RSAD2: variants seen among roughly 807,000 people sequenced by gnomAD.
RSAD2 encodes the protein radical S-adenosyl methionine domain containing 2.
RSAD2 carries 38 observed loss-of-function variants against 37.7 expected under a neutral mutation model. That is an observed-to-expected ratio of 1.01 (90% CI 0.78 to 1.32). The LOEUF is 1.32. Among genes scored for constraint, RSAD2 ranks in the 40% most tolerant of loss-of-function variants. The pLI, the probability that RSAD2 is intolerant of heterozygous loss-of-function variation, is 0.00. For missense variants in RSAD2, 428 were observed against 437.5 expected (o/e 0.98, Z 0.19); for synonymous variants, 163 against 157.4 (o/e 1.04, Z -0.27).
rs2103243414 is a variant in RSAD2, at chr2:6,883,542, A to G, written c.508+10A>G. 1 of 1,613,650 alleles carries G rather than the reference A, an allele frequency of 6.2e-7. No individual in the cohort carries two copies. The highest frequency in any genetic ancestry group is 8.5e-7 in the Non-Finnish European group (1 of 1,179,658). On this transcript the variant is annotated intron_variant, in intron 2 of 5. Transcript: ENST00000382040. ...TGGTTCCAGAATTATGGTGTGCTCC[A>G]TGGGATGGCATTCTTCTTATTGCTA...
chr2:6,880,443 G>A (rs1232808080), intron 1 of RSAD2, among the ~76,000 whole-genome samples: 1 of 152,236 alleles, frequency 6.6e-6, no homozygotes, highest in East Asian at 1.9e-4. Flanking sequence ...GTCTGTTCCC[G>A]TACATCTTCC....
intron 1 of RSAD2, among the ~76,000 whole-genome samples, chr2:6,878,474 G>A (rs576410258): frequency 2.1e-4 from 32 of 152,302 alleles, no homozygotes; most frequent in Non-Finnish European, 3.8e-4. Flanking sequence ...GGCGGTTTGG[G>A]AAGTTTGTAC....
At chr2:6,888,419 A>C (rs1663565293) in intron 3 of RSAD2, among the ~76,000 whole-genome samples, 1 of 152,184 alleles carries the variant, frequency 6.6e-6, no homozygotes, top group African/African-American at 2.4e-5. Context: ...TAGGAAAAAC[A>C]GGGACATGAT....
intron 4 of RSAD2, among the ~76,000 whole-genome samples, chr2:6,892,735 G>T (rs1445911515): frequency 6.6e-6 from 1 of 151,726 alleles, no homozygotes; most frequent in Non-Finnish European, 1.5e-5. Context: ...CTAGTTCCCA[G>T]ATGATGCTGA....
At chr2:6,893,054 G>A (rs1353470425) in intron 4 of RSAD2, among the ~76,000 whole-genome samples, 1 of 152,190 alleles carries the variant, frequency 6.6e-6, no homozygotes, top group Non-Finnish European at 1.5e-5. Context: ...GACAGACTGT[G>A]TGGCCTGCTA....
rs139718880 is a variant in RSAD2 at position 6,896,264 on chromosome 2, C to G, written c.*322C>G. 6.7e-5 allele frequency: 14 copies of G among 210,258 alleles called. No homozygotes were observed. Among genetic ancestry groups the G allele is most frequent in the African/African-American group, 3.0e-4 (13 of 43,972 alleles). The allele number at this position is 210,258 out of a possible 1,614,324, so 13.0% of individuals were successfully genotyped here. On this transcript the variant is annotated 3_prime_UTR_variant, in exon 6 of 6. Coordinates refer to ENST00000382040, the MANE Select transcript of RSAD2 (RefSeq NM_080657.5). Reference sequence around the variant, plus strand: ...GACCCCAAAAATGCTTAGATAAGGCCCCTATACACAGGACCTGACATTTAG... The same window carrying G: ...GACCCCAAAAATGCTTAGATAAGGCGCCTATACACAGGACCTGACATTTAG...
chr2:6,882,778 G>A (rs1346344439), intron 1 of RSAD2, among the ~76,000 whole-genome samples: 1 of 152,188 alleles, frequency 6.6e-6, no homozygotes, highest in African/African-American at 2.4e-5. Context: ...GTACAAACGA[G>A]GGTGTTATCA....
intron 2 of RSAD2, among the ~76,000 whole-genome samples, chr2:6,885,385 C>T (rs945404519): frequency 1.1e-4 from 16 of 152,182 alleles, no homozygotes; most frequent in African/African-American, 3.1e-4. Flanking sequence ...ACCCCAACAA[C>T]GCAACCAAGG....
At chr2:6,881,836 A>G (rs1002933380) in intron 1 of RSAD2, among the ~76,000 whole-genome samples, 4 of 151,960 alleles carry the variant, frequency 2.6e-5, no homozygotes, top group African/African-American at 7.3e-5. Flanking sequence ...CCATCCTCCT[A>G]GAACGCAGGC....
chr2:6,871,593 A>G (rs1012963563), intron 1 of RSAD2, among the ~76,000 whole-genome samples: 6 of 152,240 alleles, frequency 3.9e-5, no homozygotes, highest in African/African-American at 1.4e-4. Context: ...TTATTTACAG[A>G]AACGCTGGTT....
Position 6,878,012 on chromosome 2 carries a change from C to G in RSAD2, c.212C>G (p.Thr71Ser). The part of the protein sequence containing the change: ...EEEEDPPLPT[T>S]PTSVNYHFTR... ...GAAGAGGACCCTCCTCTGCCCACCA[C>G]CCCAACCAGCGTCAACTATCACTTC... is the stretch of plus-strand genomic sequence containing the variant. Residue 71 changes from threonine (T) to serine (S), a missense_variant, in exon 1 of 6, where the codon ACC (threonine) becomes AGC (serine). Thr to Ser is a moderately conservative substitution (Grantham distance 58). Coordinates refer to ENST00000382040, the MANE Select transcript of RSAD2 (RefSeq NM_080657.5). The G allele has an allele frequency of 6.2e-7, 1 of 1,614,180 alleles. No individual in the cohort carries two copies. Among genetic ancestry groups the G allele is most frequent in the South Asian group, 1.1e-5 (1 of 91,084 alleles).
intron 3 of RSAD2, among the ~76,000 whole-genome samples, chr2:6,889,200 C>T (rs1663581294): frequency 1.3e-5 from 2 of 152,172 alleles, no homozygotes; most frequent in Admixed American, 1.3e-4. Context: ...CATGGAAGGG[C>T]ACTCCCTCCC....
upstream of RSAD2, among the ~76,000 whole-genome samples, chr2:6,873,472 T>G (rs1391411306): frequency 6.6e-6 from 1 of 152,230 alleles, no homozygotes; most frequent in Non-Finnish European, 1.5e-5. Context: ...AAAGGAGGTT[T>G]GTTTCCCCTT....
In RSAD2 at chr2:6,896,792, G is replaced by T. The variant is rs1306241832; in HGVS notation, c.*850G>T. On this transcript the variant is annotated 3_prime_UTR_variant, in exon 6 of 6. Transcript: ENST00000382040. ...AAGATCCTGAGCAAAACAAAGATAC[G>T]CTTTCCATTTGATGATGGAGTTGAC... 6.6e-6 allele frequency: 1 copy of T among 152,150 alleles called. No homozygotes were observed. Among genetic ancestry groups the T allele is most frequent in the Admixed American group, 6.5e-5 (1 of 15,272 alleles). 9.4% of individuals were successfully genotyped at this position (152,150 alleles called of 1,614,324 possible).
At chr2:6,880,009 G>A (rs1363309141) in intron 1 of RSAD2, among the ~76,000 whole-genome samples, 1 of 151,934 alleles carries the variant, frequency 6.6e-6, no homozygotes, top group East Asian at 1.9e-4. Context: ...TTGGTACAAG[G>A]CACAAACAAG....
intron 1 of RSAD2, among the ~76,000 whole-genome samples, chr2:6,866,849 G>T (rs1244082730): frequency 2.6e-5 from 4 of 151,232 alleles, no homozygotes; most frequent in African/African-American, 9.7e-5. Context: ...AATAGTATTG[G>T]ACTTAAACTT....
intron 1 of RSAD2, among the ~76,000 whole-genome samples, chr2:6,868,278 A>G (rs918803593): frequency 1.2e-4 from 18 of 152,194 alleles, no homozygotes; most frequent in Non-Finnish European, 8.8e-5. Context: ...AACACTTTGA[A>G]AAAGAGCTTA....
Position 6,890,321 on chromosome 2 carries a change from A to G in RSAD2, c.884A>G (p.Gln295Arg), listed in dbSNP as rs1210719193. 1.2e-6 allele frequency: 2 copies of G among 1,613,860 alleles called. No homozygotes were observed. The highest frequency in any genetic ancestry group is 2.2e-5 in the East Asian group (1 of 44,892). ...TCCTGCTTGGTGCCTGAATCTAACC[A>G]GAAGGTTGTATAAAGCAAAAGTTGT... ...EVSCLVPESN[Q>R]KMKDSYLILD... Residue 295 changes from glutamine to arginine, a missense_variant, in exon 4 of 6, where the codon CAG becomes CGG. Physicochemically the swap from Gln to Arg is conservative, Grantham distance 43. Transcript: ENST00000382040.
intron 1 of RSAD2, among the ~76,000 whole-genome samples, chr2:6,871,565 G>T (rs1156485356): frequency 6.6e-6 from 1 of 152,236 alleles, no homozygotes; most frequent in African/African-American, 2.4e-5. Flanking sequence ...ATGTGGGACA[G>T]ATACATTTCA....
Sources: gnomAD v4.1 joint callset for allele counts (sites outside exome capture counted in the v4.1 genomes callset) on GRCh38, gnomAD v4.1.1 for gene constraint, MANE v1.5 for transcripts, NCBI Gene and HGNC (gene_info 2026-07-23, HGNC 2026-07-21) for gene names.